Variants in FARP1 observed in about 807,000 individuals in gnomAD.
FARP1 encodes the protein FERM, ARHGEF and pleckstrin domain-containing protein 1.
FARP1 carries 52 observed loss-of-function variants against 128.8 expected under a neutral mutation model. The observed-to-expected ratio is 0.40, with a 90% CI of 0.32 to 0.51. The LOEUF (loss-of-function observed/expected upper bound fraction) is 0.51. FARP1 is among the 20% of genes least tolerant of loss of function. FARP1 has a pLI of 0.45. For synonymous variants in FARP1, 580 were observed against 551.8 expected, an observed-to-expected ratio of 1.05 and a Z score of -0.72; for missense variants, 1,333 against 1,367.9, an observed-to-expected ratio of 0.97 and a Z score of 0.40.
intron 2 of FARP1, among the ~76,000 whole-genome samples, chr13:98,271,006 T>C (rs762449419): frequency 3.3e-4 from 50 of 152,194 alleles, no homozygotes; most frequent in Admixed American, 9.8e-4. Flanking sequence ...ACGAGGCGAA[T>C]TGCAGTTGTG....
chr13:98,205,767 C>T (rs1880231303), intron 1 of FARP1, among the ~76,000 whole-genome samples: 1 of 152,164 alleles, frequency 6.6e-6, no homozygotes, highest in Non-Finnish European at 1.5e-5. Flanking sequence ...TTCACCAGTG[C>T]ATATTTCCTT....
At position 98,431,043 on chromosome 13, in the gene FARP1, C is replaced by T. The variant is rs769331960; in HGVS notation, c.1906C>T (p.His636Tyr). ...CCCTCCTCCTCTGTTGCCTCCCAAG[C>T]ACCTGGCGGCTCACCTGTGGAAGCA... ...VMLKNIQGMK[H>Y]LAAHLWKHSE... Residue 636 changes from histidine (H) to tyrosine (Y), a missense_variant and splice_region_variant, in exon 18 of 27, where the codon CAC (histidine) becomes TAC (tyrosine). This residue lies in a region of FARP1 where 1,009 missense variants were observed against 969.8 expected (regional missense o/e 1.04). Coordinates refer to ENST00000319562, the MANE Select transcript of FARP1 (RefSeq NM_005766.4). The T allele has an allele frequency of 1.5e-5, 24 of 1,609,670 alleles. No individual in the cohort carries two copies. The African/African-American group carries it at 2.9e-4, about 20-fold the overall frequency.
intron 6 of FARP1, among the ~76,000 whole-genome samples, chr13:98,380,614 C>A (rs72655201): frequency 0.14 from 21,612 of 151,948 alleles, 1,715 homozygotes; most frequent in East Asian, 0.3. Context: ...GTCTCTGTCA[C>A]CCAGATTGGA....
At chr13:98,295,825 G>A (rs138182406) in intron 2 of FARP1, among the ~76,000 whole-genome samples, 108 of 152,300 alleles carry the variant, frequency 7.1e-4, no homozygotes, top group Middle Eastern at 3.4e-3. Flanking sequence ...CTGGAAGACT[G>A]GGGTATGTAT....
rs558336167 is a variant in FARP1 at position 98,292,732 on chromosome 13, C to T, written c.172-51030C>T. Among the ~76,000 whole-genome samples, 20 of 152,066 alleles carry T rather than the reference C, an allele frequency of 1.3e-4. No homozygotes were observed. In the South Asian group the frequency reaches 4.2e-3, roughly 32 times the overall value. On this transcript the variant is annotated intron_variant, in intron 2 of 26. Transcript: ENST00000319562. Reference sequence around the variant, plus strand: ...ATCATACATGTCACTCATTGTTGTCCAGCCCAAAGCCTGAGGGTAGGAGAT... The same window carrying T: ...ATCATACATGTCACTCATTGTTGTCTAGCCCAAAGCCTGAGGGTAGGAGAT...
rs768519623 is a variant in FARP1 at position 98,244,466 on chromosome 13, A to G, written c.171+31053A>G. On this transcript the variant is annotated intron_variant, in intron 2 of 26. Coordinates refer to ENST00000319562, the MANE Select transcript of FARP1 (RefSeq NM_005766.4). ...ACAAAAAGCGCCTTTTCAAGGGAGT[A>G]GCATTTGCTCTCCTCTCTTCCCAGA... 8.1e-6 allele frequency: 13 copies of G among 1,604,064 alleles called. No individual in the cohort carries two copies. The South Asian group carries it at 1.0e-4, about 12-fold the overall frequency.
chr13:98,326,300 C>G (rs561686085), intron 2 of FARP1, among the ~76,000 whole-genome samples: 1 of 152,170 alleles, frequency 6.6e-6, no homozygotes, highest in South Asian at 2.1e-4. Context: ...GCTTTCTTTT[C>G]TTGTTTTAGT....
intron 13 of FARP1, chr13:98,406,949 C>G (rs1891003707): frequency 6.6e-6 from 1 of 152,626 alleles, no homozygotes; most frequent in South Asian, 2.1e-4. Context: ...TTCCCTTGCC[C>G]CGAGTGGCAG....
chr13:98,438,741 C>T, intron 19 of FARP1, 63 bp from the exon 20 acceptor site: 1 of 1,383,344 alleles, frequency 7.2e-7, no homozygotes, highest in Non-Finnish European at 1.0e-6. Context: ...GGTCTGCACA[C>T]TGGCCGTCAG....
intron 26 of FARP1, chr13:98,447,763 G>C (rs77818202): frequency 0.011 from 1,786 of 159,074 alleles, 28 homozygotes; most frequent in African/African-American, 0.041. Context: ...CTGGAGGATC[G>C]ATTGAGCCCA....
chr13:98,304,493 G>C (rs1886054550), intron 2 of FARP1, among the ~76,000 whole-genome samples: 1 of 152,186 alleles, frequency 6.6e-6, no homozygotes, highest in Non-Finnish European at 1.5e-5. Context: ...TCCGAGGTGG[G>C]TCCTGCTTTG....
intron 2 of FARP1, among the ~76,000 whole-genome samples, chr13:98,301,715 T>C (rs1042615592): frequency 6.6e-6 from 1 of 152,180 alleles, no homozygotes; most frequent in African/African-American, 2.4e-5. Flanking sequence ...GTCCCCAAAA[T>C]GGTAGTACAT....
intron 2 of FARP1, among the ~76,000 whole-genome samples, chr13:98,222,948 T>G (rs1010980643): frequency 1.3e-5 from 2 of 151,838 alleles, no homozygotes; most frequent in Admixed American, 6.6e-5. Flanking sequence ...AAGGTGCTCT[T>G]AAGTGGGCAG....
chr13:98,256,868 GT>G (rs61649881), intron 2 of FARP1, among the ~76,000 whole-genome samples: 88,191 of 112,926 alleles, frequency 0.78, 34,807 homozygotes, highest in South Asian at 0.88. Flanking sequence ...CCTTACTACA[GT>G]TTTTTTTTTT....
intron 16 of FARP1, among the ~76,000 whole-genome samples, chr13:98,417,610 T>G (rs115461557): frequency 0.014 from 2,112 of 152,226 alleles, 39 homozygotes; most frequent in African/African-American, 0.043. Flanking sequence ...GAGGAAGTCC[T>G]GCAGGGGTAA....
intron 5 of FARP1, among the ~76,000 whole-genome samples, chr13:98,368,438 T>G (rs764129667): frequency 7.9e-5 from 12 of 152,236 alleles, no homozygotes; most frequent in Non-Finnish European, 1.6e-4. Flanking sequence ...GGGCTTATAC[T>G]CTGTTAATAG....
At chr13:98,410,623 C>G (rs539702672) in intron 14 of FARP1, 111 bp from the exon 15 acceptor site, 1 of 543,086 alleles carries the variant, frequency 1.8e-6, no homozygotes, top group Non-Finnish European at 3.4e-6. Context: ...TTGTTGATGC[C>G]AGCTAACAAA....
chr13:98,212,313 C>G (rs1165144735), intron 1 of FARP1, among the ~76,000 whole-genome samples: 1 of 152,162 alleles, frequency 6.6e-6, no homozygotes, highest in African/African-American at 2.4e-5. Flanking sequence ...ACCTTGGCCT[C>G]CGAAAGTGCT....
At chr13:98,385,575 T>C in intron 7 of FARP1, 92 bp from the exon 8 acceptor site, 4 of 1,414,132 alleles carry the variant, frequency 2.8e-6, no homozygotes, top group Non-Finnish European at 4.0e-6. Context: ...GAAATGCCTT[T>C]GTATTTCCCA....
Sources: allele counts gnomAD v4.1 joint callset (sites outside exome capture counted in the v4.1 genomes callset), GRCh38; gene constraint gnomAD v4.1.1; regional missense constraint gnomAD v4.1.1; transcripts MANE v1.5; gene names NCBI Gene and HGNC (gene_info 2026-07-23, HGNC 2026-07-21).